DNAH8: variants seen among roughly 807,000 people sequenced by gnomAD.
DNAH8 encodes the protein axonemal beta dynein heavy chain 8.
In DNAH8, 382 loss-of-function variants were observed where a neutral mutation model predicts 562.1. That is an observed-to-expected ratio of 0.68 (90% CI 0.63 to 0.74). The LOEUF is 0.74. DNAH8 is among the 30% of genes least tolerant of loss of function. The pLI is 0.00. For missense variants in DNAH8, 5,203 were observed against 5,620.4 expected (o/e 0.93, Z 2.37); for synonymous variants, 1,881 against 1,919.4 (o/e 0.98, Z 0.52).
rs1431133519 is a variant in DNAH8, at chr6:38,974,284, A to T, written c.12679-90A>T. The T allele has an allele frequency of 6.7e-6, 7 of 1,050,182 alleles. No homozygotes were observed. In the East Asian group the frequency reaches 1.9e-4, roughly 28 times the overall value. 65.1% of individuals were successfully genotyped at this position (1,050,182 alleles called of 1,614,324 possible). Reference sequence around the variant, plus strand: ...ACACTTCCAGTCCCAAGCATTTCAGATAAAGGATATTCAGCCTAATATTGT... The same window carrying T: ...ACACTTCCAGTCCCAAGCATTTCAGTTAAAGGATATTCAGCCTAATATTGT... On this transcript the variant is annotated intron_variant, in intron 84 of 92. Coordinates refer to ENST00000327475, the MANE Select transcript of DNAH8 (RefSeq NM_001206927.2).
At chr6:38,911,623 TA>T (rs1196759297) in intron 66 of DNAH8, 37 bp downstream of exon 66, 1 of 1,351,866 alleles carries the variant, frequency 7.4e-7, no homozygotes, top group Non-Finnish European at 1.0e-6. Context: ...GGAATAGAAA[TA>T]GGGTTTATTT....
chr6:38,938,548 C>T (rs772968555), intron 78 of DNAH8, among the ~76,000 whole-genome samples: 1 of 152,094 alleles, frequency 6.6e-6, no homozygotes, highest in Non-Finnish European at 1.5e-5. Context: ...GATGATACCA[C>T]ATGGACACAT....
intron 88 of DNAH8, among the ~76,000 whole-genome samples, chr6:39,001,843 C>T (rs1765506083): frequency 6.6e-6 from 1 of 152,064 alleles, no homozygotes. Context: ...GGCAGTGCCG[C>T]ACACAGAGGA....
chr6:38,743,012 T>TGTGC (rs547311874), intron 8 of DNAH8, among the ~76,000 whole-genome samples: 16,042 of 121,716 alleles, frequency 0.13, 1,463 homozygotes, highest in Non-Finnish European at 0.22. Flanking sequence ...TTGTGCTTTT[T>TGTGC]TTTTTTTTTT....
At position 38,935,700 on chromosome 6, in the gene DNAH8, AT is replaced by A. The variant is rs763154860; in HGVS notation, c.11563+5del. 2.5e-6 allele frequency: 4 copies of A among 1,582,510 alleles called. No individual in the cohort carries two copies. The Admixed American group carries it at 6.9e-5, about 27-fold the overall frequency. ...CTATAAATTAAGTGCTACAAAAGGT[AT>A]TGTGTTATTAAGAAGTAATGAAATA... On this transcript the variant is annotated splice_donor_region_variant and intron_variant, in intron 77 of 92. Transcript: ENST00000327475.
chr6:38,743,654 C>A (rs1764696070), intron 8 of DNAH8, among the ~76,000 whole-genome samples: 1 of 152,132 alleles, frequency 6.6e-6, no homozygotes, highest in Non-Finnish European at 1.5e-5. Flanking sequence ...TGGTTTCTTT[C>A]ACTTAGCATA....
chr6:38,934,559 T>C (rs573242279), intron 76 of DNAH8, among the ~76,000 whole-genome samples: 1 of 152,324 alleles, frequency 6.6e-6, no homozygotes, highest in South Asian at 2.1e-4. Flanking sequence ...ACACCTTCTT[T>C]TAACGTAATT....
intron 21 of DNAH8, among the ~76,000 whole-genome samples, chr6:38,794,743 T>C (rs1221099400): frequency 6.6e-6 from 1 of 152,254 alleles, no homozygotes; most frequent in Admixed American, 6.5e-5. Flanking sequence ...CGTTCTTTCA[T>C]TTCAACTTCT....
At position 38,770,551 on chromosome 6, in the gene DNAH8, C is replaced by G; in HGVS notation, c.1756C>G (p.Leu586Val). 6.3e-7 allele frequency: 1 copy of G among 1,598,664 alleles called. No individual in the cohort carries two copies. The highest frequency in any genetic ancestry group is 8.5e-7 in the Non-Finnish European group (1 of 1,175,416). The change falls in exon 12 of 93, where the codon CTG (leucine) becomes GTG (valine). Residue 586 changes from leucine to valine, a missense_variant. Physicochemically the swap from Leu to Val is conservative, Grantham distance 32. This residue lies in a region of DNAH8 where 2,176 missense variants were observed against 2,365.1 expected (regional missense o/e 0.92). Transcript: ENST00000327475. ...AAAATTTGAAGCTTTTTGCAAAAGA[C>G]TGGAGAAGGTAAGCATTATGCAGTC... ...FGKFEAFCKR[L>V]EKITEMITVV...
At chr6:38,952,171 A>G (rs1761949324) in intron 82 of DNAH8, among the ~76,000 whole-genome samples, 2 of 152,190 alleles carry the variant, frequency 1.3e-5, no homozygotes, top group Non-Finnish European at 1.5e-5. Context: ...TAGGAAATTA[A>G]AAAATAGATA....
chr6:38,746,852 C>A (rs1263855470), intron 8 of DNAH8, among the ~76,000 whole-genome samples: 3 of 151,754 alleles, frequency 2.0e-5, no homozygotes, highest in South Asian at 2.1e-4. Context: ...TCACTTGAAC[C>A]CGGGAGGTAG....
chr6:38,820,569 A>C (rs1351972019), intron 26 of DNAH8, among the ~76,000 whole-genome samples: 1 of 152,222 alleles, frequency 6.6e-6, no homozygotes, highest in African/African-American at 2.4e-5. Flanking sequence ...ACTTCTTTAT[A>C]TCTAAAAACA....
At chr6:39,006,810 G>A (rs1375942618) in intron 88 of DNAH8, among the ~76,000 whole-genome samples, 1 of 152,194 alleles carries the variant, frequency 6.6e-6, no homozygotes, top group Admixed American at 6.5e-5. Context: ...GGTAGAACAA[G>A]TTACCTATCA....
intron 22 of DNAH8, among the ~76,000 whole-genome samples, chr6:38,804,210 G>A (rs1361243360): frequency 6.6e-6 from 1 of 152,172 alleles, no homozygotes; most frequent in African/African-American, 2.4e-5. Flanking sequence ...TTTATCAGGG[G>A]CAGGGAATTT....
intron 49 of DNAH8, among the ~76,000 whole-genome samples, chr6:38,870,964 G>A (rs1323955787): frequency 1.3e-5 from 2 of 152,176 alleles, no homozygotes; most frequent in East Asian, 1.9e-4. Flanking sequence ...CTTTGTGTGT[G>A]GACATGTTAT....
chr6:38,982,362 G>C lies in DNAH8; in HGVS notation c.12851G>C (p.Gly4284Ala). 1 of 1,596,872 alleles carries C rather than the reference G, an allele frequency of 6.3e-7. No individual in the cohort carries two copies. Among genetic ancestry groups the C allele is most frequent in the Non-Finnish European group, 8.6e-7 (1 of 1,166,098 alleles). Residue 4284 changes from glycine (G) to alanine (A), a missense_variant, in exon 86 of 93, where the codon GGC becomes GCC. By Grantham distance (60) the Gly-to-Ala change is moderately conservative. Transcript: ENST00000327475. The stretch of plus-strand genomic sequence containing the variant: ...GTTTTTAAGGAGCGACGAAAATTTG[G>C]CCCCTTAGGATGGAATATTCCCTAC... ...HSTVQERRKF[G>A]PLGWNIPYEF...
At chr6:38,838,419 G>T (rs1774485935) in intron 33 of DNAH8, among the ~76,000 whole-genome samples, 1 of 129,032 alleles carries the variant, frequency 7.8e-6, no homozygotes, top group Non-Finnish European at 1.6e-5. Context: ...TTTTTTTTGA[G>T]ACAGAGTCTC....
chr6:38,716,188 C>G (rs556948051), intron 1 of DNAH8, among the ~76,000 whole-genome samples: 2 of 151,110 alleles, frequency 1.3e-5, no homozygotes, highest in African/African-American at 2.4e-5. Context: ...GTCTCGATCT[C>G]CTGACCTTGT....
chr6:38,858,438 A>G (rs1354417917), intron 42 of DNAH8, among the ~76,000 whole-genome samples: 1 of 152,206 alleles, frequency 6.6e-6, no homozygotes. Flanking sequence ...TTTTACCAAA[A>G]GTTCTGATCA....
Sources: allele counts gnomAD v4.1 joint callset (sites outside exome capture counted in the v4.1 genomes callset), GRCh38; gene constraint gnomAD v4.1.1; regional missense constraint gnomAD v4.1.1; transcripts MANE v1.5; gene names NCBI Gene and HGNC (gene_info 2026-07-23, HGNC 2026-07-21).